The following THSD4 variants were observed in gnomAD, a reference collection of about 807,000 sequenced individuals.
THSD4 encodes thrombospondin type 1 domain containing 4, also known as thrombospondin type-1 domain-containing protein 4.
A neutral mutation model predicts 119.0 loss-of-function variants in THSD4; 69 were observed. The ratio of observed to expected loss-of-function variants is 0.58; its 90% CI spans 0.48 to 0.71. The LOEUF is 0.71. Among genes scored for constraint, THSD4 ranks in the 30% least tolerant of loss-of-function variants. The pLI, the probability that THSD4 is intolerant of heterozygous loss-of-function variation, is 0.00. For synonymous variants in THSD4, 524 were observed against 540.4 expected, an observed-to-expected ratio of 0.97 and a Z score of 0.42; for missense variants, 1,393 against 1,391.1, an observed-to-expected ratio of 1.00 and a Z score of -0.02.
intron 6 of THSD4, among the ~76,000 whole-genome samples, chr15:71,315,575 C>T (rs1423880152): frequency 6.6e-6 from 1 of 152,240 alleles, no homozygotes; most frequent in Non-Finnish European, 1.5e-5. Flanking sequence ...GGTCAGTCCT[C>T]CAGGCTCCGC....
At chr15:71,359,370 A>G (rs966281292) in intron 6 of THSD4, among the ~76,000 whole-genome samples, 2 of 152,186 alleles carry the variant, frequency 1.3e-5, no homozygotes, top group Non-Finnish European at 2.9e-5. Context: ...CAAAAACATT[A>G]CTTACGTTAT....
chr15:71,415,610 A>T (rs1283519337), intron 7 of THSD4, among the ~76,000 whole-genome samples: 1 of 152,170 alleles, frequency 6.6e-6, no homozygotes, highest in Non-Finnish European at 1.5e-5. Context: ...CTGTTGTGCT[A>T]TCAAATACTA....
At chr15:71,685,331 A>T (rs942124715) in intron 8 of THSD4, among the ~76,000 whole-genome samples, 2 of 151,854 alleles carry the variant, frequency 1.3e-5, no homozygotes, top group South Asian at 4.2e-4. Flanking sequence ...AAAACTGAAG[A>T]CCCCAGAGAG....
intron 7 of THSD4, among the ~76,000 whole-genome samples, chr15:71,595,577 G>A (rs2049893184): frequency 6.8e-6 from 1 of 147,976 alleles, no homozygotes; most frequent in Admixed American, 6.9e-5. Context: ...TTTATCAGCA[G>A]CTTTAAAATG....
chr15:71,644,581 T>A (rs148718302), intron 7 of THSD4, among the ~76,000 whole-genome samples: 1 of 152,228 alleles, frequency 6.6e-6, no homozygotes, highest in African/African-American at 2.4e-5. Flanking sequence ...ATGCCACCTT[T>A]GTATTCTGTT....
intron 1 of THSD4, among the ~76,000 whole-genome samples, chr15:71,109,702 A>C (rs1282339897): frequency 1.3e-5 from 2 of 151,580 alleles, no homozygotes; most frequent in African/African-American, 4.9e-5. Context: ...ACCATCACAC[A>C]CAGAGTGGTG....
At chr15:71,654,725 G>C (rs2051155799) in intron 7 of THSD4, among the ~76,000 whole-genome samples, 1 of 152,196 alleles carries the variant, frequency 6.6e-6, no homozygotes, top group Non-Finnish European at 1.5e-5. Context: ...GTAAATTGGT[G>C]TCAGCTACTA....
intron 6 of THSD4, among the ~76,000 whole-genome samples, chr15:71,357,875 T>C (rs1266276637): frequency 1.3e-5 from 2 of 152,226 alleles, no homozygotes; most frequent in Non-Finnish European, 2.9e-5. Context: ...CACTACCAAC[T>C]GCCTTACTTA....
chr15:71,307,897 A>G (rs1336461163), intron 6 of THSD4, among the ~76,000 whole-genome samples: 1 of 152,250 alleles, frequency 6.6e-6, no homozygotes, highest in Non-Finnish European at 1.5e-5. Context: ...ACAGGATTCT[A>G]GGGATCCCCT....
intron 8 of THSD4, among the ~76,000 whole-genome samples, chr15:71,672,076 A>G (rs1044461573): frequency 4.6e-5 from 7 of 152,218 alleles, no homozygotes; most frequent in East Asian, 1.9e-4. Context: ...TACCTTGGGC[A>G]GTATGGCCAT....
At chr15:71,612,200 C>T (rs2050243820) in intron 7 of THSD4, among the ~76,000 whole-genome samples, 1 of 152,120 alleles carries the variant, frequency 6.6e-6, no homozygotes, top group South Asian at 2.1e-4. Context: ...CATGAATGAC[C>T]TGACATCTTT....
Position 71,265,866 on chromosome 15 carries a change from C to CCGCAGCT in THSD4, c.1015+9154_1015+9160dup, listed in dbSNP as rs1477469200. On this transcript the variant is annotated intron_variant, in intron 6 of 17. Transcript: ENST00000261862. ...GGAAGTTCAAACTCGGCAGAGCCCA[C>CCGCAGCT]CGCAGCTCGGGAAAGTCACTGTAAC... 2.0e-5 allele frequency among the ~76,000 whole-genome samples: 3 copies of CCGCAGCT among 152,314 alleles called. No homozygotes were observed. The East Asian group carries it at 5.8e-4, about 29-fold the overall frequency.
At chr15:71,542,238 C>T (rs80184477) in intron 7 of THSD4, among the ~76,000 whole-genome samples, 8,584 of 152,192 alleles carry the variant, frequency 0.056, 277 homozygotes, top group Middle Eastern at 0.1. Context: ...AGGACATTTG[C>T]ATAGCCTCAA....
chr15:71,725,801 A>C (rs1288468472), intron 8 of THSD4, among the ~76,000 whole-genome samples: 4 of 151,364 alleles, frequency 2.6e-5, no homozygotes, highest in Non-Finnish European at 4.4e-5. Flanking sequence ...TATATGGACC[A>C]CTTTTTTTCC....
chr15:71,108,206 G>GGGAGAA lies in THSD4; in HGVS notation c.-80+11201_-80+11202insGAGAAG, dbSNP rs2040282127. Among the ~76,000 whole-genome samples, 3 of 152,274 alleles carry GGGAGAA rather than the reference G, an allele frequency of 2.0e-5. No individual in the cohort carries two copies. The South Asian group carries it at 6.2e-4, about 32-fold the overall frequency. Reference sequence around the variant, plus strand: ...GAGGTGGGAGCTGTCCCAGTGCTATGGAAGAAATGCTTCTCAGGCCTCAAA... The same window carrying GGGAGAA: ...GAGGTGGGAGCTGTCCCAGTGCTATGGGAGAAGAAGAAATGCTTCTCAGGCCTCAAA... On this transcript the variant is annotated intron_variant, in intron 1 of 17. Coordinates refer to the THSD4 transcript ENST00000355327.
At chr15:71,376,527 G>T (rs2046138790) in intron 6 of THSD4, among the ~76,000 whole-genome samples, 2 of 152,010 alleles carry the variant, frequency 1.3e-5, no homozygotes, top group South Asian at 4.2e-4. Flanking sequence ...TCTGTGGTTG[G>T]GTCAGATCAT....
chr15:71,385,150 C>T (rs943506633), intron 6 of THSD4, among the ~76,000 whole-genome samples: 1 of 152,114 alleles, frequency 6.6e-6, no homozygotes, highest in Non-Finnish European at 1.5e-5. Flanking sequence ...CAGTTGCTTT[C>T]GTGACTTCCG....
intron 6 of THSD4, among the ~76,000 whole-genome samples, chr15:71,395,581 A>G (rs1275892959): frequency 6.6e-6 from 1 of 152,062 alleles, no homozygotes; most frequent in Non-Finnish European, 1.5e-5. Context: ...ACCTCTACAA[A>G]AAATACAAAA....
chr15:71,730,690 G>A (rs1450974994), intron 9 of THSD4: 1 of 156,144 alleles, frequency 6.4e-6, no homozygotes, highest in African/African-American at 2.4e-5. Context: ...AGCATCCCGG[G>A]GTGGCTCTGT....
Sources: allele counts gnomAD v4.1 joint callset (sites outside exome capture counted in the v4.1 genomes callset), GRCh38; gene constraint gnomAD v4.1.1; transcripts MANE v1.5; gene names NCBI Gene and HGNC (gene_info 2026-07-23, HGNC 2026-07-21).